The following SLC9A9 variants were observed in gnomAD, a reference collection of about 807,000 sequenced individuals.
The protein encoded by SLC9A9 is solute carrier family 9 member A9, also known as sodium/hydrogen exchanger 9.
In SLC9A9, 62 loss-of-function variants were observed where a neutral mutation model predicts 77.8. That is an observed-to-expected ratio of 0.80 (90% confidence interval 0.65 to 0.98). The LOEUF (loss-of-function observed/expected upper bound fraction) is 0.98, where lower values mean the gene tolerates loss of function less well. Ranked by LOEUF, SLC9A9 falls within the 50% of genes least tolerant of loss-of-function variation. The pLI is 0.00. For missense variants in SLC9A9, 775 were observed against 774.9 expected (o/e 1.00, Z 0.00); for synonymous variants, 320 against 283.5 (o/e 1.13, Z -1.29).
intron 12 of SLC9A9, among the ~76,000 whole-genome samples, chr3:143,430,547 AG>A (rs1016147660): frequency 6.6e-6 from 1 of 152,164 alleles, no homozygotes; most frequent in Non-Finnish European, 1.5e-5. Flanking sequence ...GCCCTGTGGA[AG>A]GGGCAGGGCA....
At position 143,392,843 on chromosome 3, in the gene SLC9A9, G is replaced by T. The variant is rs1296262300; in HGVS notation, c.1470-10729C>A. ...GACTTTAAACCAACAAAGATCAAAA[G>T]AGACAAAGAAGGCCATTACATAATG... On this transcript the variant is annotated intron_variant, in intron 12 of 15. Transcript: ENST00000316549. 3.9e-5 allele frequency among the ~76,000 whole-genome samples: 6 copies of T among 152,242 alleles called. No homozygotes were observed. The East Asian group carries it at 1.2e-3, about 29-fold the overall frequency.
intron 6 of SLC9A9, among the ~76,000 whole-genome samples, chr3:143,647,634 A>T (rs2108744489): frequency 6.6e-6 from 1 of 152,200 alleles, no homozygotes; most frequent in East Asian, 1.9e-4. Flanking sequence ...TTATTCTATG[A>T]CTCCTAAGAA....
chr3:143,561,042 G>A (rs753628176), intron 8 of SLC9A9, among the ~76,000 whole-genome samples: 28 of 152,236 alleles, frequency 1.8e-4, no homozygotes, highest in African/African-American at 4.3e-4. Flanking sequence ...TTAGCCGGGC[G>A]TGGTGGTGTG....
chr3:143,773,583 C>T (rs2007598318), intron 4 of SLC9A9, among the ~76,000 whole-genome samples: 1 of 151,364 alleles, frequency 6.6e-6, no homozygotes, highest in African/African-American at 2.4e-5. Context: ...CCCCTGGGTT[C>T]AAGCAATTCT....
At chr3:143,576,478 G>C (rs751626381) in intron 7 of SLC9A9, among the ~76,000 whole-genome samples, 9 of 152,158 alleles carry the variant, frequency 5.9e-5, no homozygotes, top group Non-Finnish European at 1.3e-4. Context: ...TTGTTTTACA[G>C]GGTTGATTCA....
At chr3:143,718,936 T>C (rs758307851) in intron 4 of SLC9A9, among the ~76,000 whole-genome samples, 42 of 152,154 alleles carry the variant, frequency 2.8e-4, no homozygotes, top group Non-Finnish European at 5.9e-5. Context: ...ACTTAGCCCC[T>C]CAGTTGTCAG....
chr3:143,847,836 T>A, intron 1 of SLC9A9: 1 of 413,766 alleles, frequency 2.4e-6, no homozygotes, highest in South Asian at 2.4e-5. Flanking sequence ...AGCCATCACT[T>A]CCCAACATCA....
At chr3:143,279,098 C>A (rs971798121) in intron 14 of SLC9A9, among the ~76,000 whole-genome samples, 1 of 152,196 alleles carries the variant, frequency 6.6e-6, no homozygotes, top group Non-Finnish European at 1.5e-5. Context: ...TATATTTCAA[C>A]CATCCCAAGT....
At chr3:143,526,639 G>A (rs1226477771) in intron 9 of SLC9A9, among the ~76,000 whole-genome samples, 1 of 152,108 alleles carries the variant, frequency 6.6e-6, no homozygotes, top group Non-Finnish European at 1.5e-5. Flanking sequence ...TCCATTTTAA[G>A]GAGACAGAGA....
intron 6 of SLC9A9, among the ~76,000 whole-genome samples, chr3:143,583,876 G>C (rs1285935066): frequency 2.0e-5 from 3 of 152,084 alleles, no homozygotes; most frequent in Non-Finnish European, 2.9e-5. Flanking sequence ...GACTGTCCCA[G>C]GCCTACCATC....
intron 4 of SLC9A9, among the ~76,000 whole-genome samples, chr3:143,748,219 T>G (rs1199753696): frequency 6.6e-6 from 1 of 152,210 alleles, no homozygotes; most frequent in African/African-American, 2.4e-5. Flanking sequence ...CTTTAGATAT[T>G]CAGGCCCATG....
intron 12 of SLC9A9, among the ~76,000 whole-genome samples, chr3:143,397,317 T>C (rs1461379777): frequency 6.6e-6 from 1 of 152,216 alleles, no homozygotes; most frequent in Non-Finnish European, 1.5e-5. Flanking sequence ...AAGCTATCCT[T>C]TCAAGTGGAT....
intron 2 of SLC9A9, among the ~76,000 whole-genome samples, chr3:143,821,051 A>T (rs960147354): frequency 1.3e-5 from 2 of 152,198 alleles, no homozygotes. Flanking sequence ...CAAGGACCAC[A>T]GTCACAGCAG....
chr3:143,788,839 C>T (rs2008134873), intron 4 of SLC9A9, among the ~76,000 whole-genome samples: 1 of 151,402 alleles, frequency 6.6e-6, no homozygotes, highest in Non-Finnish European at 1.5e-5. Flanking sequence ...ATATAAAGAA[C>T]TCTGCCAAAT....
chr3:143,640,269 C>A (rs1403628335), intron 6 of SLC9A9, among the ~76,000 whole-genome samples: 1 of 152,074 alleles, frequency 6.6e-6, no homozygotes, highest in Non-Finnish European at 1.5e-5. Context: ...GATCCACCCG[C>A]CTTGGCTTCC....
intron 14 of SLC9A9, among the ~76,000 whole-genome samples, chr3:143,284,184 TTTAC>T (rs1276217931): frequency 2.0e-5 from 3 of 152,182 alleles, no homozygotes; most frequent in African/African-American, 7.2e-5. Context: ...ACACCTTCCA[TTTAC>T]TTACGATTAT....
At chr3:143,606,767 A>C (rs2037935883) in intron 6 of SLC9A9, among the ~76,000 whole-genome samples, 1 of 151,992 alleles carries the variant, frequency 6.6e-6, no homozygotes, top group African/African-American at 2.4e-5. Context: ...CACAGGTTAA[A>C]AAACAAAAAG....
intron 2 of SLC9A9, among the ~76,000 whole-genome samples, chr3:143,821,983 C>A (rs749951532): frequency 7.9e-5 from 12 of 152,192 alleles, no homozygotes; most frequent in Non-Finnish European, 1.2e-4. Flanking sequence ...CTGCAGCAAG[C>A]GCTGTCAGTC....
At chr3:143,747,417 A>AC (rs1487350447) in intron 4 of SLC9A9, among the ~76,000 whole-genome samples, 25 of 152,010 alleles carry the variant, frequency 1.6e-4, no homozygotes, top group African/African-American at 5.5e-4. Context: ...AAAAAAAAAA[A>AC]AAAAAAAAGA....
Sources: gnomAD v4.1 joint callset for allele counts (sites outside exome capture counted in the v4.1 genomes callset) on GRCh38, gnomAD v4.1.1 for gene constraint, MANE v1.5 for transcripts, NCBI Gene and HGNC (gene_info 2026-07-23, HGNC 2026-07-21) for gene names.